CALD1: variants seen among roughly 807,000 people sequenced by gnomAD.
CALD1 encodes the protein caldesmon 1.
In CALD1, 33 loss-of-function variants were observed where a neutral mutation model predicts 99.9. The observed-to-expected ratio is 0.33, with a 90% CI of 0.25 to 0.44. CALD1 has a LOEUF of 0.44. Among genes scored for constraint, CALD1 ranks in the 20% least tolerant of loss-of-function variants. The probability of loss-of-function intolerance (pLI) is 1.00; values close to 1 mark genes in which losing one functional copy is unlikely to be tolerated. For missense variants in CALD1, 861 were observed against 962.1 expected, an observed-to-expected ratio of 0.89 and a Z score of 1.39; for synonymous variants, 310 against 325.0, an observed-to-expected ratio of 0.95 and a Z score of 0.50.
intron 1 of CALD1, among the ~76,000 whole-genome samples, chr7:134,782,640 T>C (rs558489422): frequency 1.3e-5 from 2 of 152,324 alleles, no homozygotes; most frequent in African/African-American, 4.8e-5. Context: ...TTGGTAATGC[T>C]TCTCCGATGT....
chr7:134,817,066 C>T (rs1297281352), intron 1 of CALD1, among the ~76,000 whole-genome samples: 2 of 152,080 alleles, frequency 1.3e-5, no homozygotes, highest in Non-Finnish European at 2.9e-5. Context: ...GTTGTTACTG[C>T]TTCGGTTTTA....
chr7:134,871,038 C>T (rs1801048002), intron 3 of CALD1, among the ~76,000 whole-genome samples: 1 of 152,264 alleles, frequency 6.6e-6, no homozygotes, highest in Non-Finnish European at 1.5e-5. Context: ...AGACAAAGAG[C>T]ACATGAGACC....
intron 6 of CALD1, 61 bp downstream of exon 6, chr7:134,935,826 A>T: frequency 2.0e-6 from 3 of 1,502,060 alleles, no homozygotes; most frequent in Non-Finnish European, 2.7e-6. Flanking sequence ...GTGTTCCAAG[A>T]TATCTCAGGT....
chr7:134,891,531 C>T, intron 3 of CALD1: 1 of 1,521,084 alleles, frequency 6.6e-7, no homozygotes, highest in Non-Finnish European at 8.8e-7. Flanking sequence ...GATCACATGG[C>T]CCCTCCGCGG....
At chr7:134,936,963 G>T (rs1420532082) in intron 6 of CALD1, among the ~76,000 whole-genome samples, 2 of 152,120 alleles carry the variant, frequency 1.3e-5, no homozygotes, top group African/African-American at 4.8e-5. Flanking sequence ...TTCATTTGGT[G>T]ACCAAATACC....
At chr7:134,825,846 C>A (rs1045648313) in intron 1 of CALD1, among the ~76,000 whole-genome samples, 4 of 152,108 alleles carry the variant, frequency 2.6e-5, no homozygotes, top group African/African-American at 9.7e-5. Flanking sequence ...CCTGTACAGA[C>A]TGACCAGAGG....
chr7:134,755,941 G>A lies in CALD1; in HGVS notation c.-130+11578G>A, dbSNP rs569964359. On this transcript the variant is annotated intron_variant, in intron 1 of 13. Transcript: ENST00000417172. ...ATGACTGGTGGATGATGTGAGATAGGGATCTAAACATTATCTTTGTCCAAA... is the reference window on the plus strand; with the variant it reads ...ATGACTGGTGGATGATGTGAGATAGAGATCTAAACATTATCTTTGTCCAAA... Among the ~76,000 whole-genome samples, 51 of 152,016 alleles carry A rather than the reference G, an allele frequency of 3.4e-4. No individual in the cohort carries two copies. The Middle Eastern group carries it at 0.014, about 41-fold the overall frequency.
intron 1 of CALD1, among the ~76,000 whole-genome samples, chr7:134,787,432 A>G (rs142089571): frequency 3.4e-3 from 522 of 152,286 alleles, no homozygotes; most frequent in Non-Finnish European, 6.2e-3. Flanking sequence ...TTGAGCAGAT[A>G]TTTCGCTTCC....
chr7:134,904,299 G>A (rs1803211369), intron 3 of CALD1, among the ~76,000 whole-genome samples: 1 of 151,906 alleles, frequency 6.6e-6, no homozygotes, highest in Non-Finnish European at 1.5e-5. Context: ...AATGCCAGCT[G>A]GCCATGCATG....
intron 1 of CALD1, among the ~76,000 whole-genome samples, chr7:134,771,681 C>T (rs929444390): frequency 6.6e-6 from 1 of 152,162 alleles, no homozygotes; most frequent in African/African-American, 2.4e-5. Context: ...ACAAGCCCCG[C>T]AGTACTTACC....
intron 1 of CALD1, among the ~76,000 whole-genome samples, chr7:134,827,262 C>G (rs1193377724): frequency 6.6e-6 from 1 of 152,158 alleles, no homozygotes; most frequent in Non-Finnish European, 1.5e-5. Flanking sequence ...ATCTCCCTAT[C>G]TCAGTGGACC....
At chr7:134,935,277 A>C (rs1805874159) in intron 5 of CALD1, among the ~76,000 whole-genome samples, 1 of 152,164 alleles carries the variant, frequency 6.6e-6, no homozygotes, top group Non-Finnish European at 1.5e-5. Flanking sequence ...AAAAAGAAAA[A>C]AAGAGATGCT....
chr7:134,936,028 T>C (rs1332174079), intron 6 of CALD1, among the ~76,000 whole-genome samples: 3 of 152,162 alleles, frequency 2.0e-5, no homozygotes, highest in Admixed American at 2.0e-4. Flanking sequence ...GTCAGGTAAA[T>C]TGTCTTTTTT....
intron 3 of CALD1, among the ~76,000 whole-genome samples, chr7:134,898,075 C>A (rs1458299624): frequency 6.6e-6 from 1 of 152,008 alleles, no homozygotes; most frequent in African/African-American, 2.4e-5. Context: ...CAGGCGCCCG[C>A]CACCATGCCT....
At chr7:134,917,912 T>C (rs933217956) in intron 3 of CALD1, among the ~76,000 whole-genome samples, 1 of 152,210 alleles carries the variant, frequency 6.6e-6, no homozygotes, top group Non-Finnish European at 1.5e-5. Context: ...AGTAACTAAG[T>C]CAGGAGCAAT....
intron 3 of CALD1, among the ~76,000 whole-genome samples, chr7:134,899,213 T>C (rs953381754): frequency 2.0e-5 from 3 of 151,610 alleles, no homozygotes; most frequent in Admixed American, 2.0e-4. Flanking sequence ...TTTTCTTTTT[T>C]TTTTTTTTTT....
chr7:134,941,363 A>C (rs1806423541), intron 7 of CALD1, 126 bp downstream of exon 7: 2 of 719,576 alleles, frequency 2.8e-6, no homozygotes, highest in Non-Finnish European at 4.5e-6. Context: ...TTTTGTTGTG[A>C]GGTCATTAGC....
At chr7:134,796,875 C>G (rs1200814046) in intron 1 of CALD1, among the ~76,000 whole-genome samples, 2 of 152,156 alleles carry the variant, frequency 1.3e-5, no homozygotes, top group East Asian at 3.9e-4. Flanking sequence ...CATGAGCCAC[C>G]ACACTGGCCC....
intron 3 of CALD1, among the ~76,000 whole-genome samples, chr7:134,893,358 C>A (rs140114963): frequency 3.3e-5 from 5 of 152,318 alleles, no homozygotes; most frequent in African/African-American, 1.2e-4. Context: ...CATGCCTTCA[C>A]TATTTCTTCC....
Sources: gnomAD v4.1 joint callset for allele counts (sites outside exome capture counted in the v4.1 genomes callset) on GRCh38, gnomAD v4.1.1 for gene constraint, MANE v1.5 for transcripts, NCBI Gene and HGNC (gene_info 2026-07-23, HGNC 2026-07-21) for gene names.